Variants in LARGE1 observed in about 807,000 individuals in gnomAD.
The protein encoded by LARGE1 is LARGE xylosyl- and glucuronyltransferase 1, also known as xylosyl- and glucuronyltransferase LARGE1.
In LARGE1, 43 loss-of-function variants were observed where a neutral mutation model predicts 87.6. That is an observed-to-expected ratio of 0.49 (90% CI 0.38 to 0.63). The LOEUF (loss-of-function observed/expected upper bound fraction) is 0.63. Ranked by LOEUF, LARGE1 falls within the 30% of genes least tolerant of loss-of-function variation. LARGE1 has a pLI of 0.00. For synonymous variants in LARGE1, 434 were observed against 394.6 expected, an observed-to-expected ratio of 1.10 and a Z score of -1.18; for missense variants, 802 against 1,000.2, an observed-to-expected ratio of 0.80 and a Z score of 2.67.
chr22:33,635,518 T>C, intron 3 of LARGE1, among the ~76,000 whole-genome samples: 1 of 152,124 alleles, frequency 6.6e-6, no homozygotes, highest in South Asian at 2.1e-4. Flanking sequence ...ATCTAACCTC[T>C]TGGATCCTCA....
chr22:33,404,098 T>C (rs149425758), intron 7 of LARGE1, among the ~76,000 whole-genome samples: 8 of 152,212 alleles, frequency 5.3e-5, no homozygotes, highest in African/African-American at 1.9e-4. Flanking sequence ...ATATAGTCTA[T>C]TGTATGATAA....
At chr22:33,355,522 A>T (rs539310739) in intron 9 of LARGE1, among the ~76,000 whole-genome samples, 2 of 152,316 alleles carry the variant, frequency 1.3e-5, no homozygotes, top group East Asian at 1.9e-4. Flanking sequence ...CCCCTTCGTG[A>T]TAACTGGAAA....
Position 33,341,960 on chromosome 22 carries a change from C to G in LARGE1, c.1132-4159G>C, listed in dbSNP as rs191106276. Among the ~76,000 whole-genome samples the G allele has an allele frequency of 2.0e-5, 3 of 152,322 alleles. No individual in the cohort carries two copies. In the East Asian group the frequency reaches 5.8e-4, roughly 29 times the overall value. On this transcript the variant is annotated intron_variant, in intron 9 of 14. Transcript: ENST00000397394. ...GCCGCCATCAGTCAGAAAGCAAGCA[C>G]TCCGCATTCAGGAGAGTAGAGACGG...
chr22:33,338,490 T>C (rs926857048), intron 9 of LARGE1, among the ~76,000 whole-genome samples: 3 of 152,196 alleles, frequency 2.0e-5, no homozygotes, highest in Non-Finnish European at 2.9e-5. Flanking sequence ...TCTTCAGCTC[T>C]AGGGTAGTGC....
chr22:33,332,394 A>C (rs371890812), intron 10 of LARGE1, among the ~76,000 whole-genome samples: 1 of 152,186 alleles, frequency 6.6e-6, no homozygotes, highest in Non-Finnish European at 1.5e-5. Context: ...CTCCCCAGCC[A>C]TGTGGAACTG....
intron 1 of LARGE1, among the ~76,000 whole-genome samples, chr22:33,830,669 T>C (rs2062939177): frequency 6.6e-6 from 1 of 152,100 alleles, no homozygotes; most frequent in South Asian, 2.1e-4. Context: ...ATGATGACAA[T>C]GGCGGTGGTG....
At chr22:33,189,144 A>C (rs1366670185) in intron 11 of LARGE1, among the ~76,000 whole-genome samples, 1 of 152,160 alleles carries the variant, frequency 6.6e-6, no homozygotes, top group Non-Finnish European at 1.5e-5. Flanking sequence ...AGCTGGAAAG[A>C]GTGGGAATAT....
chr22:33,834,604 C>T (rs1022364184), intron 1 of LARGE1, among the ~76,000 whole-genome samples: 1 of 152,286 alleles, frequency 6.6e-6, no homozygotes, highest in East Asian at 1.9e-4. Context: ...GGACTCAGCC[C>T]GCCTGCACCC....
chr22:33,379,686 A>G (rs1460356130), intron 9 of LARGE1, among the ~76,000 whole-genome samples: 5 of 152,178 alleles, frequency 3.3e-5, no homozygotes, highest in Non-Finnish European at 1.5e-5. Context: ...CATCATTCTG[A>G]GCAAACAATT....
intron 2 of LARGE1, among the ~76,000 whole-genome samples, chr22:33,722,244 GGGAGGAAGAGGGAGAGGGAGA>G (rs1167692745): frequency 7.5e-6 from 1 of 132,856 alleles, no homozygotes; most frequent in South Asian, 2.8e-4. Context: ...GAGAAAGGAA[GGGAGGAAGAGGGAGAGGGAGA>G]GGAGGGAGAG....
chr22:33,085,987 A>AT, the LARGE1 span, among the ~76,000 whole-genome samples: 2 of 152,184 alleles, frequency 1.3e-5, no homozygotes, highest in African/African-American at 4.8e-5. Context: ...ATTGTCTTCT[A>AT]TTTTGTTCAA....
At chr22:33,200,472 C>T (rs2146209475) in intron 11 of LARGE1, among the ~76,000 whole-genome samples, 1 of 152,234 alleles carries the variant, frequency 6.6e-6, no homozygotes, top group East Asian at 1.9e-4. Flanking sequence ...CTATGTGATC[C>T]AGCAATTCCA....
At chr22:33,168,041 TTCCTTTTA>T in intron 11 of LARGE1, among the ~76,000 whole-genome samples, 2 of 152,338 alleles carry the variant, frequency 1.3e-5, no homozygotes, top group South Asian at 4.1e-4. Flanking sequence ...AAAAGTCTTT[TTCCTTTTA>T]GTGGGTGAAC....
chr22:33,695,292 C>T (rs771021224), intron 2 of LARGE1, among the ~76,000 whole-genome samples: 1 of 151,936 alleles, frequency 6.6e-6, no homozygotes, highest in Non-Finnish European at 1.5e-5. Flanking sequence ...TTAGTAGAGA[C>T]AGCGTTTCAC....
chr22:33,575,587 G>A (rs1351372592), intron 5 of LARGE1, among the ~76,000 whole-genome samples: 2 of 152,170 alleles, frequency 1.3e-5, no homozygotes, highest in Non-Finnish European at 2.9e-5. Flanking sequence ...TGTTGAGAGA[G>A]CCTGGAAGCT....
the LARGE1 span, among the ~76,000 whole-genome samples, chr22:33,152,134 C>G: frequency 1.3e-5 from 2 of 152,222 alleles, no homozygotes; most frequent in African/African-American, 4.8e-5. Flanking sequence ...GCATTCCTAG[C>G]TCTGCCAGCT....
intron 12 of LARGE1, among the ~76,000 whole-genome samples, chr22:33,295,767 A>C (rs1211420660): frequency 6.6e-6 from 1 of 152,244 alleles, no homozygotes; most frequent in Non-Finnish European, 1.5e-5. Flanking sequence ...GAGACAGGGC[A>C]GCCCACAGAG....
rs552715068 is a variant in LARGE1 at position 33,522,095 on chromosome 22, C to A, written c.787+42753G>T. Among the ~76,000 whole-genome samples the A allele has an allele frequency of 2.0e-5, 3 of 152,110 alleles. No individual in the cohort carries two copies. In the East Asian group the frequency reaches 5.8e-4, roughly 29 times the overall value. On this transcript the variant is annotated intron_variant, in intron 6 of 14. Transcript: ENST00000397394. ...GGCACTAAGCCATTCATGAGGGATC[C>A]GCTCCCTTGACCCAAACACCTCCCA...
chr22:33,193,090 G>A (rs983108105), intron 11 of LARGE1, among the ~76,000 whole-genome samples: 2 of 152,012 alleles, frequency 1.3e-5, no homozygotes, highest in Non-Finnish European at 2.9e-5. Flanking sequence ...ATGTGTGTGT[G>A]TGTATGTGTA....
Sources: allele counts gnomAD v4.1 joint callset (sites outside exome capture counted in the v4.1 genomes callset), GRCh38; gene constraint gnomAD v4.1.1; transcripts MANE v1.5; gene names NCBI Gene and HGNC (gene_info 2026-07-23, HGNC 2026-07-21).